The following PIAS1 variants were observed in gnomAD, a reference collection of about 807,000 sequenced individuals.
The protein encoded by PIAS1 is E3 SUMO-protein ligase PIAS1.
In PIAS1, 6 loss-of-function variants were observed where a neutral mutation model predicts 71.3. That is an observed-to-expected ratio of 0.08 (90% confidence interval 0.05 to 0.17). The LOEUF (loss-of-function observed/expected upper bound fraction) is 0.17, where lower values mean the gene tolerates loss of function less well. Among genes scored for constraint, PIAS1 ranks in the 10% least tolerant of loss-of-function variants. PIAS1 has a pLI of 1.00. For synonymous variants in PIAS1, 303 were observed against 292.9 expected (o/e 1.03, Z -0.35); for missense variants, 555 against 793.6 (o/e 0.70, Z 3.61).
intron 7 of PIAS1, among the ~76,000 whole-genome samples, chr15:68,162,431 G>T (rs568353340): frequency 6.6e-6 from 1 of 152,102 alleles, no homozygotes; most frequent in African/African-American, 2.4e-5. Context: ...TTATTAGTCA[G>T]GGTTCTCCGG....
intron 1 of PIAS1, among the ~76,000 whole-genome samples, chr15:68,077,870 A>C (rs952603922): frequency 1.3e-5 from 2 of 152,200 alleles, no homozygotes; most frequent in African/African-American, 4.8e-5. Context: ...ACTTTTCCTT[A>C]ATCTCTATAC....
At chr15:68,078,846 AGTCT>A (rs1257743807) in intron 1 of PIAS1, among the ~76,000 whole-genome samples, 1 of 152,318 alleles carries the variant, frequency 6.6e-6, no homozygotes, top group East Asian at 1.9e-4. Flanking sequence ...TGTCATTTTT[AGTCT>A]GTCAACCCAT....
At chr15:68,068,877 C>T (rs2092060109) in intron 1 of PIAS1, among the ~76,000 whole-genome samples, 1 of 148,676 alleles carries the variant, frequency 6.7e-6, no homozygotes, top group East Asian at 2.0e-4. Flanking sequence ...TGTGTTACAC[C>T]TTAAATGTTT....
chr15:68,074,161 G>A (rs1387192767), intron 1 of PIAS1, among the ~76,000 whole-genome samples: 1 of 152,182 alleles, frequency 6.6e-6, no homozygotes, highest in Non-Finnish European at 1.5e-5. Context: ...TGGAAATAAA[G>A]ATTTGGAAAT....
chr15:68,137,594 G>A (rs1262550975), intron 2 of PIAS1, among the ~76,000 whole-genome samples: 5 of 151,898 alleles, frequency 3.3e-5, no homozygotes, highest in Non-Finnish European at 7.4e-5. Context: ...AGAGGAACAC[G>A]GACTTTGGAG....
At chr15:68,152,513 C>T (rs752110365) in intron 6 of PIAS1, among the ~76,000 whole-genome samples, 2 of 152,156 alleles carry the variant, frequency 1.3e-5, no homozygotes, top group Non-Finnish European at 2.9e-5. Flanking sequence ...TGTCATCAAG[C>T]AGTTGCCTAA....
intron 2 of PIAS1, among the ~76,000 whole-genome samples, chr15:68,109,778 T>A (rs1251350191): frequency 6.6e-6 from 1 of 152,182 alleles, no homozygotes; most frequent in Non-Finnish European, 1.5e-5. Flanking sequence ...ATGTTCCAAG[T>A]CTGAAACTAG....
chr15:68,097,387 TG>T (rs1288350462), intron 2 of PIAS1, among the ~76,000 whole-genome samples: 2 of 152,158 alleles, frequency 1.3e-5, no homozygotes, highest in Admixed American at 1.3e-4. Flanking sequence ...ATGCCCTTCC[TG>T]TTGAGTTTTT....
intron 1 of PIAS1, among the ~76,000 whole-genome samples, chr15:68,065,462 G>A (rs1055591242): frequency 6.6e-6 from 1 of 151,724 alleles, no homozygotes; most frequent in Non-Finnish European, 1.5e-5. Flanking sequence ...ATGTTGATGC[G>A]CACCTGTGGT....
intron 8 of PIAS1, among the ~76,000 whole-genome samples, chr15:68,168,115 TCTC>T (rs898598755): frequency 5.3e-5 from 8 of 151,960 alleles, no homozygotes; most frequent in Non-Finnish European, 8.8e-5. Context: ...TTCAAGCAAT[TCTC>T]CTGCCTCAAC....
At chr15:68,162,493 TGA>T (rs969742772) in intron 7 of PIAS1, among the ~76,000 whole-genome samples, 1 of 151,162 alleles carries the variant, frequency 6.6e-6, no homozygotes, top group African/African-American at 2.4e-5. Flanking sequence ...GAGAGAGAGA[TGA>T]GAGAGAGTGA....
intron 4 of PIAS1, among the ~76,000 whole-genome samples, chr15:68,143,991 C>A (rs1043999614): frequency 6.6e-6 from 1 of 151,932 alleles, no homozygotes; most frequent in Non-Finnish European, 1.5e-5. Context: ...TACATACATT[C>A]TTTAAAGCAG....
intron 11 of PIAS1, among the ~76,000 whole-genome samples, chr15:68,179,392 G>T (rs1265643485): frequency 2.6e-5 from 4 of 151,714 alleles, no homozygotes; most frequent in Admixed American, 2.6e-4. Context: ...AATGGTAAAT[G>T]GTACTTTTTC....
At chr15:68,116,714 A>G (rs1207624186) in intron 2 of PIAS1, among the ~76,000 whole-genome samples, 1 of 151,792 alleles carries the variant, frequency 6.6e-6, no homozygotes, top group African/African-American at 2.4e-5. Context: ...GGCATTTTAG[A>G]GCTGTAAATT....
chr15:68,145,983 C>A, intron 5 of PIAS1, 77 bp downstream of exon 5: 1 of 878,564 alleles, frequency 1.1e-6, no homozygotes, highest in South Asian at 1.4e-5. Context: ...GTTGTTAAAT[C>A]ATAGTTTTTC....
At chr15:68,139,258 G>A (rs1013600221) in intron 2 of PIAS1, among the ~76,000 whole-genome samples, 2 of 152,138 alleles carry the variant, frequency 1.3e-5, no homozygotes, top group African/African-American at 4.8e-5. Flanking sequence ...CTGTTGGGCT[G>A]CAAGCATTTT....
intron 1 of PIAS1, among the ~76,000 whole-genome samples, chr15:68,084,035 A>G (rs987015021): frequency 2.0e-5 from 3 of 152,146 alleles, no homozygotes; most frequent in African/African-American, 7.2e-5. Flanking sequence ...ACTTTTTTGG[A>G]CCATCAAGCA....
At position 68,187,996 on chromosome 15, in the gene PIAS1, C is replaced by CAA; in HGVS notation, c.*164_*165dup. Reference sequence around the variant, plus strand: ...AAAATTAAAAGAAATGTACAGAGAACAAAACTATATTTTCAGTTTTACTTT... The same window carrying CAA: ...AAAATTAAAAGAAATGTACAGAGAACAAAAAACTATATTTTCAGTTTTACTTT... On this transcript the variant is annotated 3_prime_UTR_variant, in exon 14 of 14. Transcript: ENST00000249636. The surrounding 1 kb of genome is among the most constrained non-coding windows in gnomAD (Gnocchi z 5.3). 1.8e-6 allele frequency: 1 copy of CAA among 547,226 alleles called. No homozygotes were observed. Among genetic ancestry groups the CAA allele is most frequent in the Non-Finnish European group, 3.1e-6 (1 of 317,632 alleles). The allele number at this position is 547,226 out of a possible 1,614,324, so 33.9% of individuals were successfully genotyped here. A position where few individuals can be genotyped will look rare whatever the true frequency, so the allele number is the denominator to read the frequency against.
chr15:68,055,511 C>T (rs960659324), intron 1 of PIAS1, among the ~76,000 whole-genome samples: 2 of 151,936 alleles, frequency 1.3e-5, no homozygotes, highest in Non-Finnish European at 2.9e-5. Context: ...GTGGTGGAAC[C>T]CTTATGACTG....
Sources: gnomAD v4.1 joint callset for allele counts (sites outside exome capture counted in the v4.1 genomes callset) on GRCh38, gnomAD v4.1.1 for gene constraint, Gnocchi (gnomAD v3.1) non-coding constraint, MANE v1.5 for transcripts, NCBI Gene and HGNC (gene_info 2026-07-23, HGNC 2026-07-21) for gene names.